Variants in FAM114A1 observed in about 807,000 individuals in gnomAD.
The protein encoded by FAM114A1 is protein NOXP20.
FAM114A1 carries 62 observed loss-of-function variants against 64.3 expected under a neutral mutation model. That is an observed-to-expected ratio of 0.96 (90% confidence interval 0.79 to 1.19). The LOEUF (loss-of-function observed/expected upper bound fraction) is 1.19. FAM114A1 is among the 50% of genes most tolerant of loss of function. FAM114A1 has a pLI of 0.00. For missense variants in FAM114A1, 645 were observed against 676.3 expected (o/e 0.95, Z 0.51); for synonymous variants, 254 against 251.1 (o/e 1.01, Z -0.11).
At chr4:38,884,539 T>G (rs932501433) in intron 3 of FAM114A1, among the ~76,000 whole-genome samples, 8 of 152,234 alleles carry the variant, frequency 5.3e-5, no homozygotes, top group African/African-American at 1.7e-4. Flanking sequence ...TGTTTTGCTT[T>G]TTAAATAGAT....
chr4:38,877,042 C>A (rs1714713480), intron 2 of FAM114A1, among the ~76,000 whole-genome samples: 2 of 152,248 alleles, frequency 1.3e-5, no homozygotes, highest in South Asian at 4.2e-4. Context: ...TCTGCAAGGT[C>A]CCTTTTGTTA....
At chr4:38,929,376 G>A (rs778703287) in intron 10 of FAM114A1, 43 bp downstream of exon 10, 34 of 1,121,988 alleles carry the variant, frequency 3.0e-5, no homozygotes, top group Non-Finnish European at 3.9e-5. Flanking sequence ...AAAAAAAACA[G>A]TGCAGGGGAG....
Position 38,908,618 on chromosome 4 carries a change from T to C in FAM114A1, c.684T>C (p.Leu228=). The part of the protein sequence containing the change: ...NTGKSVLTGG[L]DALEFIGKKT... ...GTAAAAGTGTCTTAACTGGAGGCCT[T>C]GATGCGTTGGAATTCATCGGCAAGA... The change falls in exon 7 of 15, where the codon CTT becomes CTC. Residue 228 remains leucine (L), a synonymous_variant. Coordinates refer to ENST00000358869, the MANE Select transcript of FAM114A1 (RefSeq NM_138389.4). The C allele has an allele frequency of 6.2e-7, 1 of 1,613,150 alleles. No homozygotes were observed. Among genetic ancestry groups the C allele is most frequent in the Non-Finnish European group, 8.5e-7 (1 of 1,179,306 alleles).
At chr4:38,940,341 A>G (rs1721491407) in intron 13 of FAM114A1, among the ~76,000 whole-genome samples, 1 of 151,534 alleles carries the variant, frequency 6.6e-6, no homozygotes, top group African/African-American at 2.4e-5. Flanking sequence ...AAGATGCCCT[A>G]TAACCAAGTT....
intron 8 of FAM114A1, among the ~76,000 whole-genome samples, chr4:38,916,024 T>C (rs1392422623): frequency 6.6e-6 from 1 of 152,154 alleles, no homozygotes; most frequent in African/African-American, 2.4e-5. Context: ...AGAAGCTCAA[T>C]TTGGCAGTGA....
In FAM114A1 at chr4:38,944,729, TTGTGCA is replaced by T. The variant is rs1721838058; in HGVS notation, c.*1173_*1178del. The T allele has an allele frequency of 6.6e-6, 1 of 152,092 alleles. No homozygotes were observed. The highest frequency in any genetic ancestry group is 2.4e-5 in the African/African-American group (1 of 41,392). The allele number at this position is 152,092 out of a possible 1,614,324, so 9.4% of individuals were successfully genotyped here. A position where few individuals can be genotyped will look rare whatever the true frequency, so the allele number is the denominator to read the frequency against. On this transcript the variant is annotated 3_prime_UTR_variant, in exon 15 of 15. Coordinates refer to ENST00000358869, the MANE Select transcript of FAM114A1 (RefSeq NM_138389.4). Reference sequence around the variant, plus strand: ...GAACTGCACATGCGAGGGATCTAGGTTGTGCACTCCTTATGAGAATCTAATGCCTGA... The same window carrying T: ...GAACTGCACATGCGAGGGATCTAGGTCTCCTTATGAGAATCTAATGCCTGA...
chr4:38,897,113 T>C (rs116608408), intron 4 of FAM114A1, among the ~76,000 whole-genome samples: 1,800 of 152,310 alleles, frequency 0.012, 42 homozygotes, highest in African/African-American at 0.04. Flanking sequence ...TCTCTTGGAA[T>C]GAGCACTGTA....
chr4:38,905,005 A>G (rs868736860), intron 4 of FAM114A1, among the ~76,000 whole-genome samples: 32 of 152,322 alleles, frequency 2.1e-4, no homozygotes, highest in African/African-American at 6.3e-4. Flanking sequence ...GAGGCTAGGT[A>G]ACTTCTCCAA....
intron 3 of FAM114A1, among the ~76,000 whole-genome samples, chr4:38,885,395 C>T (rs1380465539): frequency 1.3e-5 from 2 of 152,134 alleles, no homozygotes; most frequent in Non-Finnish European, 2.9e-5. Flanking sequence ...CTTGCTTCAC[C>T]TTACCAAATA....
At chr4:38,888,560 A>G (rs1211369710) in intron 3 of FAM114A1, among the ~76,000 whole-genome samples, 2 of 152,172 alleles carry the variant, frequency 1.3e-5, no homozygotes, top group Non-Finnish European at 2.9e-5. Flanking sequence ...ATGGAATCCT[A>G]CATTCTTTCT....
chr4:38,878,428 T>A lies in FAM114A1; in HGVS notation c.348+2T>A. On this transcript the variant is annotated splice_donor_variant, in intron 3 of 14. Transcript: ENST00000358869. LOFTEE classifies it high-confidence loss of function. ...CCCCTGCAAGAACAGAATTATCTGG[T>A]AAGAATGGGTCATTCAATTCACTTC... 1 of 1,570,944 alleles carries A rather than the reference T, an allele frequency of 6.4e-7. No individual in the cohort carries two copies.
chr4:38,891,543 G>A (rs988847195), intron 3 of FAM114A1, among the ~76,000 whole-genome samples, 200 bp from the exon 4 acceptor site: 1 of 152,126 alleles, frequency 6.6e-6, no homozygotes, highest in Non-Finnish European at 1.5e-5. Flanking sequence ...GCCAACATCA[G>A]CACTAATCAA....
chr4:38,883,258 G>T (rs1253645074), intron 3 of FAM114A1, among the ~76,000 whole-genome samples: 2 of 152,290 alleles, frequency 1.3e-5, no homozygotes, highest in East Asian at 3.9e-4. Flanking sequence ...GTACTAGATA[G>T]GACAGGCACA....
chr4:38,888,111 C>T (rs1715991891), intron 3 of FAM114A1, among the ~76,000 whole-genome samples: 1 of 151,966 alleles, frequency 6.6e-6, no homozygotes. Flanking sequence ...TGGGATTTTA[C>T]TTTTTTCTAT....
chr4:38,889,124 T>G (rs1405767647), intron 3 of FAM114A1, among the ~76,000 whole-genome samples: 1 of 152,232 alleles, frequency 6.6e-6, no homozygotes, highest in African/African-American at 2.4e-5. Context: ...AATTACCAGC[T>G]GTCAGAACAT....
At chr4:38,921,257 G>A (rs944463805) in intron 8 of FAM114A1, among the ~76,000 whole-genome samples, 2 of 152,064 alleles carry the variant, frequency 1.3e-5, no homozygotes, top group Admixed American at 1.3e-4. Flanking sequence ...GAGAATGAGC[G>A]GCCATCTGTA....
chr4:38,877,258 A>G (rs2109539149), intron 2 of FAM114A1, among the ~76,000 whole-genome samples: 1 of 152,272 alleles, frequency 6.6e-6, no homozygotes, highest in African/African-American at 2.4e-5. Flanking sequence ...TTCTATTATT[A>G]TTACGTTGTA....
intron 14 of FAM114A1, among the ~76,000 whole-genome samples, chr4:38,942,213 T>A (rs11732775): frequency 0.14 from 20,744 of 152,248 alleles, 2,013 homozygotes; most frequent in Non-Finnish European, 0.18. Context: ...ATTTGGGTGG[T>A]GACACAGCCA....
At chr4:38,891,886 G>A in intron 4 of FAM114A1, 56 bp downstream of exon 4, 1 of 1,510,846 alleles carries the variant, frequency 6.6e-7, no homozygotes, top group Non-Finnish European at 9.0e-7. Context: ...AATAGGATAG[G>A]ACGTTTTGAT....
Sources: gnomAD v4.1 joint callset for allele counts (sites outside exome capture counted in the v4.1 genomes callset) on GRCh38, gnomAD v4.1.1 for gene constraint, MANE v1.5 for transcripts, NCBI Gene and HGNC (gene_info 2026-07-23, HGNC 2026-07-21) for gene names.